Variants in ADAMTS17 observed in about 807,000 individuals in gnomAD.
The protein encoded by ADAMTS17 is A disintegrin and metalloproteinase with thrombospondin motifs 17.
A neutral mutation model predicts 141.5 loss-of-function variants in ADAMTS17; 113 were observed. The observed-to-expected ratio is 0.80, with a 90% CI of 0.69 to 0.93. The LOEUF (loss-of-function observed/expected upper bound fraction) is 0.93. ADAMTS17 is among the 40% of genes least tolerant of loss of function. ADAMTS17 has a pLI of 0.00. For missense variants in ADAMTS17, 1,659 were observed against 1,517.9 expected (o/e 1.09, Z -1.54); for synonymous variants, 768 against 630.6 (o/e 1.22, Z -3.27).
rs529270252 is a variant in ADAMTS17, at chr15:100,000,567, G to A, written c.2592-2978C>T. Among the ~76,000 whole-genome samples, 262 of 152,260 alleles carry A rather than the reference G, an allele frequency of 1.7e-3. 1 individual carries two copies. Among genetic ancestry groups the A allele is most frequent in the African/African-American group, 5.8e-3 (242 of 41,556 alleles). On this transcript the variant is annotated intron_variant, in intron 18 of 21. Transcript: ENST00000268070. ...TCGCTCTTGTCACCCAGGCTGGAGC[G>A]CAATGGCACGATCTCGGCTCATTGC...
At chr15:100,045,240 A>G (rs2418486) in intron 18 of ADAMTS17, among the ~76,000 whole-genome samples, 11,460 of 152,232 alleles carry the variant, frequency 0.075, 1,410 homozygotes, top group African/African-American at 0.25. Flanking sequence ...CACGTTAAAA[A>G]TTAAGATATT....
chr15:100,165,030 G>C (rs1480037598), intron 8 of ADAMTS17, among the ~76,000 whole-genome samples: 4 of 152,210 alleles, frequency 2.6e-5, no homozygotes, highest in African/African-American at 9.6e-5. Flanking sequence ...AGGTTTGAAT[G>C]CGGCAGGTCA....
At chr15:100,009,163 G>C (rs2061103699) in intron 18 of ADAMTS17, among the ~76,000 whole-genome samples, 1 of 152,058 alleles carries the variant, frequency 6.6e-6, no homozygotes, top group Admixed American at 6.5e-5. Flanking sequence ...TCTACCCGCT[G>C]TCTCATTCTC....
At position 100,048,871 on chromosome 15, in the gene ADAMTS17, G is replaced by A. The variant is rs1240732740; in HGVS notation, c.2577C>T (p.His859=). The change falls in exon 18 of 22, where the codon CAC becomes CAT. Residue 859 remains histidine (H), a synonymous_variant. Coordinates refer to ENST00000268070, the MANE Select transcript of ADAMTS17 (RefSeq NM_139057.4). ...PEPQVRRCNL[H]PCQSRWVAGP... Reference sequence around the variant, plus strand: ...CAGCTTCTTACCGTGACTGGCAGGGGTGCAAGTTGCACCTTCGGACCTGGG... The same window carrying A: ...CAGCTTCTTACCGTGACTGGCAGGGATGCAAGTTGCACCTTCGGACCTGGG... 12 of 1,614,200 alleles carry A rather than the reference G, an allele frequency of 7.4e-6. No individual in the cohort carries two copies. The South Asian group carries it at 7.7e-5, about 10-fold the overall frequency.
intron 7 of ADAMTS17, among the ~76,000 whole-genome samples, chr15:100,209,725 G>A (rs1054280122): frequency 6.6e-6 from 1 of 152,174 alleles, no homozygotes; most frequent in African/African-American, 2.4e-5. Context: ...AGACAAGGAA[G>A]ATGGCCAGCC....
intron 3 of ADAMTS17, among the ~76,000 whole-genome samples, chr15:100,304,702 G>T (rs1281983459): frequency 6.6e-6 from 1 of 152,084 alleles, no homozygotes; most frequent in African/African-American, 2.4e-5. Context: ...AGCCATTTCT[G>T]CTCTGTACTG....
intron 18 of ADAMTS17, among the ~76,000 whole-genome samples, chr15:100,045,514 C>T (rs2031615293): frequency 6.6e-6 from 1 of 152,174 alleles, no homozygotes; most frequent in African/African-American, 2.4e-5. Flanking sequence ...CAGTTCAGGT[C>T]TTCTAGCTTT....
intron 7 of ADAMTS17, among the ~76,000 whole-genome samples, chr15:100,233,808 T>C (rs992068691): frequency 1.4e-4 from 21 of 151,484 alleles, no homozygotes; most frequent in African/African-American, 5.1e-4. Flanking sequence ...GGTGCCAAGC[T>C]GGAGATGGAG....
chr15:100,030,165 TAAAGC>T (rs1324736012), intron 18 of ADAMTS17, among the ~76,000 whole-genome samples: 6 of 152,220 alleles, frequency 3.9e-5, no homozygotes, highest in South Asian at 4.2e-4. Context: ...TGATTCAGGG[TAAAGC>T]TCTCTCCCCC....
chr15:100,338,985 C>A (rs781141650), intron 2 of ADAMTS17: 21 of 985,436 alleles, frequency 2.1e-5, no homozygotes, highest in Non-Finnish European at 2.2e-5. Flanking sequence ...TTCCCTCCGG[C>A]CTTCAGTACG....
At chr15:100,160,773 A>G (rs761461068) in intron 8 of ADAMTS17, among the ~76,000 whole-genome samples, 1 of 152,194 alleles carries the variant, frequency 6.6e-6, no homozygotes, top group Non-Finnish European at 1.5e-5. Context: ...TGTCTCTAAT[A>G]TAGATCACGC....
intron 15 of ADAMTS17, among the ~76,000 whole-genome samples, chr15:100,087,504 C>A (rs574923001): frequency 6.6e-6 from 1 of 152,152 alleles, no homozygotes; most frequent in African/African-American, 2.4e-5. Flanking sequence ...CAGCATCATC[C>A]TGATACCAAA....
chr15:100,334,077 C>T (rs1423228698), intron 2 of ADAMTS17, among the ~76,000 whole-genome samples: 1 of 152,174 alleles, frequency 6.6e-6, no homozygotes, highest in Non-Finnish European at 1.5e-5. Context: ...TTTCAACTCT[C>T]TTTGTTGTGG....
At chr15:100,171,218 T>C (rs952859864) in intron 8 of ADAMTS17, among the ~76,000 whole-genome samples, 87 of 152,306 alleles carry the variant, frequency 5.7e-4, no homozygotes, top group African/African-American at 1.8e-3. Flanking sequence ...ATGGGACAGA[T>C]GCTCTGGGCA....
chr15:99,985,887 C>T (rs2060574950), intron 20 of ADAMTS17, among the ~76,000 whole-genome samples: 2 of 152,226 alleles, frequency 1.3e-5, no homozygotes, highest in South Asian at 2.1e-4. Flanking sequence ...CCTCTACCTG[C>T]ACCCACCCCC....
At position 100,336,159 on chromosome 15, in the gene ADAMTS17, CGT is replaced by C. The variant is rs1389097330; in HGVS notation, c.450+4878_450+4879del. On this transcript the variant is annotated intron_variant, in intron 2 of 21. Coordinates refer to ENST00000268070, the MANE Select transcript of ADAMTS17 (RefSeq NM_139057.4). ...AAAAGTTCAAAGTGGGAAAATCTAA[CGT>C]GTGTCCTAGACGATGCTGGTGGGCA... 6.6e-5 allele frequency among the ~76,000 whole-genome samples: 10 copies of C among 152,344 alleles called. No homozygotes were observed. In the East Asian group the frequency reaches 1.7e-3, roughly 26 times the overall value.
chr15:100,122,221 C>T (rs1038744232), intron 12 of ADAMTS17, among the ~76,000 whole-genome samples: 2 of 152,176 alleles, frequency 1.3e-5, no homozygotes, highest in African/African-American at 4.8e-5. Context: ...GTTCTCTTTA[C>T]CTCTTAGTAA....
At chr15:100,332,306 A>C (rs918503903) in intron 2 of ADAMTS17, among the ~76,000 whole-genome samples, 4 of 152,250 alleles carry the variant, frequency 2.6e-5, no homozygotes, top group Admixed American at 1.3e-4. Context: ...GACGGTGGCC[A>C]CAGTGGGATC....
chr15:100,182,349 T>A (rs533137182), intron 8 of ADAMTS17, among the ~76,000 whole-genome samples: 8 of 152,250 alleles, frequency 5.3e-5, no homozygotes, highest in African/African-American at 1.9e-4. Flanking sequence ...ACCCACCAGG[T>A]TCCTCCCTCA....
Sources: gnomAD v4.1 joint callset for allele counts (sites outside exome capture counted in the v4.1 genomes callset) on GRCh38, gnomAD v4.1.1 for gene constraint, MANE v1.5 for transcripts, NCBI Gene and HGNC (gene_info 2026-07-23, HGNC 2026-07-21) for gene names.